Variants in CHAF1A observed in about 807,000 individuals in gnomAD.
CHAF1A encodes CAF-1 subunit A.
Under a neutral mutation model 93.2 loss-of-function variants are expected in CHAF1A, and 5 were observed. That is an observed-to-expected ratio of 0.05 (90% CI 0.03 to 0.11). The LOEUF is 0.11. Ranked by LOEUF, CHAF1A falls within the 10% of genes least tolerant of loss-of-function variation. The pLI is 1.00. For synonymous variants in CHAF1A, 504 were observed against 510.3 expected (o/e 0.99, Z 0.17); for missense variants, 1,102 against 1,259.9 (o/e 0.87, Z 1.90).
rs373351284 is a variant in CHAF1A, at chr19:4,435,704, C to G, written c.2673+2165C>G. 5.9e-5 allele frequency among the ~76,000 whole-genome samples: 9 copies of G among 152,310 alleles called. No individual in the cohort carries two copies. In the East Asian group the frequency reaches 1.7e-3, roughly 29 times the overall value. Reference sequence around the variant, plus strand: ...TGATTTCTAATATCTACACTTAACGCAGACCTATCTGTCCCTGTGAACCTT... The same window carrying G: ...TGATTTCTAATATCTACACTTAACGGAGACCTATCTGTCCCTGTGAACCTT... On this transcript the variant is annotated intron_variant, in intron 13 of 14. Transcript: ENST00000301280.
intron 10 of CHAF1A, chr19:4,429,995 G>C: frequency 1.9e-6 from 1 of 539,140 alleles, no homozygotes; most frequent in Non-Finnish European, 3.3e-6. Flanking sequence ...ACTCGCCCAC[G>C]TGGCTGCTGG....
intron 2 of CHAF1A, 87 bp downstream of exon 2, chr19:4,406,049 C>T (rs1478480337): frequency 2.3e-5 from 24 of 1,058,466 alleles, no homozygotes; most frequent in Non-Finnish European, 3.2e-5. Context: ...AAGCCTGGAG[C>T]TAGAGGGGAG....
chr19:4,413,470 T>A (rs1309092650), intron 3 of CHAF1A, among the ~76,000 whole-genome samples: 1 of 152,188 alleles, frequency 6.6e-6, no homozygotes, highest in African/African-American at 2.4e-5. Flanking sequence ...TTTTGCACTT[T>A]ACCTCCCTAC....
intron 4 of CHAF1A, among the ~76,000 whole-genome samples, chr19:4,419,807 G>A (rs1039545403): frequency 2.0e-5 from 3 of 152,154 alleles, no homozygotes; most frequent in African/African-American, 7.2e-5. Flanking sequence ...TCCGAGTCCC[G>A]CACACCGGGT....
At chr19:4,446,144 C>A (rs747763788), downstream of CHAF1A, 2 of 1,611,586 alleles carry the variant, frequency 1.2e-6, no homozygotes, top group African/African-American at 2.7e-5. Flanking sequence ...CTCTGCAGGG[C>A]CTCCCGGACG....
chr19:4,413,467 C>G (rs1354455063), intron 3 of CHAF1A, among the ~76,000 whole-genome samples: 1 of 152,182 alleles, frequency 6.6e-6, no homozygotes, highest in Non-Finnish European at 1.5e-5. Flanking sequence ...TGTTTTTGCA[C>G]TTTACCTCCC....
Position 4,433,579 on chromosome 19 carries a change from T to C in CHAF1A, c.2673+40T>C, listed in dbSNP as rs548888673. 1.4e-6 allele frequency: 2 copies of C among 1,455,330 alleles called. No homozygotes were observed. The highest frequency in any genetic ancestry group is 1.4e-5 in the African/African-American group (1 of 70,426). 90.2% of individuals were successfully genotyped at this position (1,455,330 alleles called of 1,614,324 possible). Reference sequence around the variant, plus strand: ...GCAGGTGGGGGCCTCTGCAGGGCTTTTCTTTTTTTGTTTGTTTTTTGTTGT... The same window carrying C: ...GCAGGTGGGGGCCTCTGCAGGGCTTCTCTTTTTTTGTTTGTTTTTTGTTGT... On this transcript the variant is annotated intron_variant, in intron 13 of 14. Transcript: ENST00000301280. The surrounding 1 kb of genome is among the most constrained non-coding windows in gnomAD (Gnocchi z 5.6).
chr19:4,434,957 C>G (rs2145137967), intron 13 of CHAF1A, among the ~76,000 whole-genome samples: 1 of 152,138 alleles, frequency 6.6e-6, no homozygotes, highest in East Asian at 1.9e-4. Flanking sequence ...AAGAAACTCT[C>G]ATGCCCAGAG....
chr19:4,436,576 C>T (rs538754716), intron 13 of CHAF1A, among the ~76,000 whole-genome samples: 8 of 152,302 alleles, frequency 5.3e-5, no homozygotes, highest in African/African-American at 1.9e-4. Flanking sequence ...TGAAAATGAT[C>T]GGGGCGGGAA....
rs397768061 is a variant in CHAF1A, at chr19:4,417,457, CTT to C, written c.961-543_961-542del. 7.0e-3 allele frequency among the ~76,000 whole-genome samples: 726 copies of C among 103,064 alleles called. 2 individuals are homozygous for C. Among genetic ancestry groups the C allele is most frequent in the Middle Eastern group, 0.044 (9 of 204 alleles). 67.6% of individuals were successfully genotyped at this position (103,064 alleles called of 152,430 possible). A position where few individuals can be genotyped will look rare whatever the true frequency, so the allele number is the denominator to read the frequency against. Reference sequence around the variant, plus strand: ...TCCCTGTCGCCCAGGCCAGCTGTCGCTTTTTTTTTTTTTTTTTTTTTAAGACA... The same window carrying C: ...TCCCTGTCGCCCAGGCCAGCTGTCGCTTTTTTTTTTTTTTTTTTTAAGACA... On this transcript the variant is annotated intron_variant, in intron 3 of 14. Transcript: ENST00000301280.
chr19:4,427,132 CTGTCTTTT>C (rs1974097620), intron 7 of CHAF1A, among the ~76,000 whole-genome samples: 1 of 65,008 alleles, frequency 1.5e-5, no homozygotes, highest in Non-Finnish European at 2.8e-5. Context: ...AAAAAAGACC[CTGTCTTTT>C]TTTTTTTTTT....
chr19:4,421,308 A>G (rs1973987152), intron 4 of CHAF1A, among the ~76,000 whole-genome samples: 1 of 151,922 alleles, frequency 6.6e-6, no homozygotes, highest in African/African-American at 2.4e-5. Context: ...TTCTGGCCTC[A>G]AGCAATTTGT....
intron 2 of CHAF1A, among the ~76,000 whole-genome samples, chr19:4,406,367 C>G (rs1401243494): frequency 6.6e-6 from 1 of 152,172 alleles, no homozygotes; most frequent in African/African-American, 2.4e-5. Flanking sequence ...GATAAATGCT[C>G]CCAAATCCTT....
At chr19:4,434,590 G>A (rs527280414) in intron 13 of CHAF1A, among the ~76,000 whole-genome samples, 7 of 152,146 alleles carry the variant, frequency 4.6e-5, no homozygotes, top group South Asian at 2.1e-4. Context: ...AGCTGGAATC[G>A]CATCGTGTGT....
chr19:4,443,332 G>A lies in CHAF1A; in HGVS notation c.*307G>A, dbSNP rs768575447. 4 of 367,936 alleles carry A rather than the reference G, an allele frequency of 1.1e-5. No homozygotes were observed. The highest frequency in any genetic ancestry group is 1.0e-4 in the South Asian group (4 of 39,110). 22.8% of individuals were successfully genotyped at this position (367,936 alleles called of 1,614,324 possible). ...ATGAATTGAAGCGTCAGGACCACCC[G>A]CCTGGCCACGTGCGCGGGCCCCTGG... On this transcript the variant is annotated 3_prime_UTR_variant, in exon 15 of 15. Transcript: ENST00000301280.
chr19:4,408,383 G>C (rs532895062), intron 2 of CHAF1A, among the ~76,000 whole-genome samples: 4 of 149,524 alleles, frequency 2.7e-5, no homozygotes, highest in Non-Finnish European at 4.4e-5. Flanking sequence ...TAGTAGAGAC[G>C]GGGTTTCACC....
Position 4,422,304 on chromosome 19 carries a change from G to A in CHAF1A, c.1018-262G>A, listed in dbSNP as rs535248594. 6.7e-5 allele frequency among the ~76,000 whole-genome samples: 10 copies of A among 150,342 alleles called. No homozygotes were observed. The highest frequency in any genetic ancestry group is 2.5e-4 in the African/African-American group (10 of 40,572). ...GCTGGGATTACAGGCGTGAACCACCGCGCGCAGCCAATTTTTGTATTTTTA... is the reference window on the plus strand; with the variant it reads ...GCTGGGATTACAGGCGTGAACCACCACGCGCAGCCAATTTTTGTATTTTTA... On this transcript the variant is annotated intron_variant, in intron 4 of 14. Coordinates refer to ENST00000301280, the MANE Select transcript of CHAF1A (RefSeq NM_005483.3). This position sits in a 1 kb window ranked among gnomAD's most constrained non-coding sequence, Gnocchi z 4.6.
downstream of CHAF1A, chr19:4,448,846 G>A (rs741923): frequency 0.37 from 71,146 of 193,562 alleles, 13,765 homozygotes; most frequent in Non-Finnish European, 0.43. Context: ...AACCACTCCC[G>A]GGCCTCATGT....
At chr19:4,420,160 C>T (rs1284249937) in intron 4 of CHAF1A, among the ~76,000 whole-genome samples, 2 of 152,154 alleles carry the variant, frequency 1.3e-5, no homozygotes, top group African/African-American at 4.8e-5. Context: ...TGTCAGGCTC[C>T]AGACGTGTGG....
Sources: gnomAD v4.1 joint callset for allele counts (sites outside exome capture counted in the v4.1 genomes callset) on GRCh38, gnomAD v4.1.1 for gene constraint, Gnocchi (gnomAD v3.1) non-coding constraint, MANE v1.5 for transcripts, NCBI Gene and HGNC (gene_info 2026-07-23, HGNC 2026-07-21) for gene names.